SWAP70: variants seen among roughly 807,000 people sequenced by gnomAD.
SWAP70 encodes switching B cell complex subunit SWAP70, also known as switch-associated protein 70.
SWAP70 carries 34 observed loss-of-function variants against 80.2 expected under a neutral mutation model. That is an observed-to-expected ratio of 0.42 (90% confidence interval 0.32 to 0.56). SWAP70 has a LOEUF of 0.56. SWAP70 is among the 20% of genes least tolerant of loss of function. The probability of loss-of-function intolerance (pLI) is 0.09; values close to 1 mark genes in which losing one functional copy is unlikely to be tolerated. For synonymous variants in SWAP70, 239 were observed against 238.5 expected (o/e 1.00, Z -0.02); for missense variants, 578 against 690.7 (o/e 0.84, Z 1.83).
In SWAP70 at chr11:9,740,566, A is replaced by C. The variant is rs998300972; in HGVS notation, c.1355+219A>C. On this transcript the variant is annotated intron_variant, in intron 9 of 11. Transcript: ENST00000318950. ...TGGGAAACCCTTGCTTCTGGGGCTA[A>C]ATAAGGGCCTATTTTAGAGCAGTCT... 8.8e-6 allele frequency: 5 copies of C among 566,140 alleles called. No homozygotes were observed. In the African/African-American group the frequency reaches 9.4e-5, roughly 11 times the overall value. The allele number at this position is 566,140 out of a possible 1,614,324, so 35.1% of individuals were successfully genotyped here.
intron 4 of SWAP70, among the ~76,000 whole-genome samples, chr11:9,726,173 A>G (rs191414582): frequency 5.3e-4 from 80 of 150,816 alleles, no homozygotes; most frequent in African/African-American, 1.6e-3. Flanking sequence ...CTACTTGTGG[A>G]AAAAAAAATA....
chr11:9,685,651 CG>C (rs1850622031), intron 1 of SWAP70, among the ~76,000 whole-genome samples: 1 of 150,994 alleles, frequency 6.6e-6, no homozygotes. Context: ...TTTTTTGAGA[CG>C]GAGTCTTGTC....
chr11:9,749,437 G>A (rs998028604), intron 11 of SWAP70, among the ~76,000 whole-genome samples: 19 of 152,012 alleles, frequency 1.2e-4, no homozygotes, highest in Non-Finnish European at 2.2e-4. Context: ...TAGTAGAGAC[G>A]GGGTTTCACC....
intron 1 of SWAP70, among the ~76,000 whole-genome samples, 177 bp downstream of exon 1, chr11:9,664,455 C>G (rs1419740339): frequency 3.3e-5 from 5 of 152,246 alleles, no homozygotes; most frequent in Non-Finnish European, 7.3e-5. Flanking sequence ...TTTACTGCCT[C>G]CCCCTTGCCT....
At chr11:9,696,755 C>T (rs1290621552) in intron 2 of SWAP70, among the ~76,000 whole-genome samples, 1 of 152,110 alleles carries the variant, frequency 6.6e-6, no homozygotes, top group African/African-American at 2.4e-5. Context: ...GTGAATTCCT[C>T]CTTTTGCCTA....
chr11:9,733,938 A>G (rs1391259463), intron 7 of SWAP70, among the ~76,000 whole-genome samples: 2 of 152,220 alleles, frequency 1.3e-5, no homozygotes, highest in African/African-American at 2.4e-5. Flanking sequence ...ACCCAGGTTA[A>G]GATAGATTAT....
intron 2 of SWAP70, among the ~76,000 whole-genome samples, chr11:9,697,157 T>A (rs1005803271): frequency 2.6e-5 from 4 of 152,008 alleles, no homozygotes; most frequent in African/African-American, 9.7e-5. Flanking sequence ...TTTATTATTA[T>A]TTATATGTAT....
chr11:9,685,153 G>A (rs1006635886), intron 1 of SWAP70, among the ~76,000 whole-genome samples: 1 of 148,676 alleles, frequency 6.7e-6, no homozygotes, highest in African/African-American at 2.5e-5. Context: ...CTCGCTCTGT[G>A]CCGAGGCTGG....
intron 1 of SWAP70, among the ~76,000 whole-genome samples, chr11:9,679,435 G>A (rs1414625935): frequency 6.6e-6 from 1 of 152,144 alleles, no homozygotes; most frequent in African/African-American, 2.4e-5. Flanking sequence ...CTAGGGTGAT[G>A]GATACTCAGC....
Position 9,750,090 on chromosome 11 carries a change from C to A in SWAP70, c.*120C>A. On this transcript the variant is annotated 3_prime_UTR_variant, in exon 12 of 12. Transcript: ENST00000318950. ...TGGTGGCTCACGCCTGTAATCCCAG[C>A]ACTTTGGGAGGCCGAGGCGGGTGGA... The A allele has an allele frequency of 1.6e-6, 1 of 629,000 alleles. No individual in the cohort carries two copies. The highest frequency in any genetic ancestry group is 2.7e-6 in the Non-Finnish European group (1 of 374,192). 39.0% of individuals were successfully genotyped at this position (629,000 alleles called of 1,614,324 possible).
At chr11:9,672,400 T>G (rs1850429987) in intron 1 of SWAP70, among the ~76,000 whole-genome samples, 1 of 151,484 alleles carries the variant, frequency 6.6e-6, no homozygotes, top group Non-Finnish European at 1.5e-5. Flanking sequence ...GGTCTCACTC[T>G]GTCACTCAGG....
intron 7 of SWAP70, among the ~76,000 whole-genome samples, chr11:9,733,653 C>T (rs967391917): frequency 6.6e-6 from 1 of 152,188 alleles, no homozygotes; most frequent in Non-Finnish European, 1.5e-5. Context: ...GCCTCCCACC[C>T]TTGAAACAGT....
At chr11:9,674,435 C>G (rs997201252) in intron 1 of SWAP70, among the ~76,000 whole-genome samples, 1 of 152,114 alleles carries the variant, frequency 6.6e-6, no homozygotes, top group Admixed American at 6.6e-5. Flanking sequence ...TGCAGTGGCT[C>G]ATGACTATAA....
intron 3 of SWAP70, among the ~76,000 whole-genome samples, chr11:9,714,386 G>A (rs1874476): frequency 0.33 from 49,659 of 152,094 alleles, 8,364 homozygotes; most frequent in Non-Finnish European, 0.35. Context: ...TCTAAGGGTT[G>A]TGAAATTCTG....
intron 1 of SWAP70, among the ~76,000 whole-genome samples, chr11:9,671,982 TC>T (rs1850417471): frequency 8.6e-6 from 1 of 116,214 alleles, no homozygotes; most frequent in Non-Finnish European, 1.6e-5. Context: ...TATATATTTT[TC>T]TATATTTTAT....
chr11:9,725,563 A>G (rs1159132796), intron 4 of SWAP70, among the ~76,000 whole-genome samples: 2 of 16,832 alleles, frequency 1.2e-4, no homozygotes, highest in Non-Finnish European at 1.0e-4. Context: ...ATATATATAT[A>G]TATATATTTT....
chr11:9,727,017 G>A, intron 4 of SWAP70: 1 of 453,656 alleles, frequency 2.2e-6, no homozygotes, highest in South Asian at 1.6e-5. Context: ...ATGTGGCCAA[G>A]CTTTAGCATT....
In SWAP70 at chr11:9,712,897, A is replaced by G. The variant is rs574014838; in HGVS notation, c.241-569A>G. 1.8e-3 allele frequency among the ~76,000 whole-genome samples: 251 copies of G among 141,874 alleles called. 1 individual carries two copies. The highest frequency in any genetic ancestry group is 5.9e-3 in the African/African-American group (242 of 41,172). 93.1% of individuals were successfully genotyped at this position (141,874 alleles called of 152,430 possible). A position where few individuals can be genotyped will look rare whatever the true frequency, so the allele number is the denominator to read the frequency against. ...TTTTTACTAGAGATGGGGTTTCTCC[A>G]TGTTTGTCAGGTTGGTCTCAAACTC... On this transcript the variant is annotated intron_variant, in intron 2 of 11. Transcript: ENST00000318950.
intron 1 of SWAP70, among the ~76,000 whole-genome samples, chr11:9,691,559 A>C (rs1181813834): frequency 6.6e-6 from 1 of 152,216 alleles, no homozygotes; most frequent in Non-Finnish European, 1.5e-5. Flanking sequence ...TATCTTCTGC[A>C]GTGGGATCAC....
Sources: gnomAD v4.1 joint callset for allele counts (sites outside exome capture counted in the v4.1 genomes callset) on GRCh38, gnomAD v4.1.1 for gene constraint, MANE v1.5 for transcripts, NCBI Gene and HGNC (gene_info 2026-07-23, HGNC 2026-07-21) for gene names.